Variants in CEP85L observed in about 807,000 individuals in gnomAD.
CEP85L encodes the protein centrosomal protein of 85 kDa-like.
Under a neutral mutation model 100.3 loss-of-function variants are expected in CEP85L, and 60 were observed. The observed-to-expected ratio is 0.60, with a 90% CI of 0.49 to 0.74. The LOEUF (loss-of-function observed/expected upper bound fraction) is 0.74. CEP85L is among the 30% of genes least tolerant of loss of function. The probability of loss-of-function intolerance (pLI) is 0.00; values close to 1 mark genes in which losing one functional copy is unlikely to be tolerated. For missense variants in CEP85L, 973 were observed against 936.2 expected (o/e 1.04, Z -0.51); for synonymous variants, 319 against 322.7 (o/e 0.99, Z 0.12).
Position 118,461,146 on chromosome 6 carries a change from T to C in CEP85L, c.*4259A>G, listed in dbSNP as rs961439926. On this transcript the variant is annotated 3_prime_UTR_variant, in exon 13 of 13. Transcript: ENST00000368491. ...CAAAACCACCAGTCATAGTGACTGA[T>C]TATACACTGTGCTGTGCTTTTTAAT... 1 of 152,088 alleles carries C rather than the reference T, an allele frequency of 6.6e-6. No homozygotes were observed. The highest frequency in any genetic ancestry group is 1.5e-5 in the Non-Finnish European group (1 of 67,998). The allele number at this position is 152,088 out of a possible 1,614,324, so 9.4% of individuals were successfully genotyped here. A position where few individuals can be genotyped will look rare whatever the true frequency, so the allele number is the denominator to read the frequency against.
chr6:118,626,521 A>G (rs993046939), intron 2 of CEP85L, among the ~76,000 whole-genome samples: 1 of 152,120 alleles, frequency 6.6e-6, no homozygotes, highest in African/African-American at 2.4e-5. Flanking sequence ...CTCAAAATCT[A>G]AGGCATGTCA....
chr6:118,707,016 A>G (rs1777612536), intron 1 of CEP85L, among the ~76,000 whole-genome samples: 1 of 151,912 alleles, frequency 6.6e-6, no homozygotes, highest in South Asian at 2.1e-4. Flanking sequence ...CAAATCCCCA[A>G]ACTTCAATGA....
chr6:118,590,962 T>C (rs1354103015), intron 2 of CEP85L, among the ~76,000 whole-genome samples: 2 of 152,138 alleles, frequency 1.3e-5, no homozygotes, highest in Admixed American at 1.3e-4. Context: ...ACATTCACGA[T>C]TGTGTGACAA....
chr6:118,491,848 A>C lies in CEP85L; in HGVS notation c.1275T>G (p.Thr425=). Residue 425 remains threonine, a synonymous_variant, in exon 6 of 13, where the codon ACT becomes ACG. Transcript: ENST00000368491. ...CCTCTGAAAATGGTGTCTGGAGTGA[A>C]GTGTTCTCATATTGTGGCTGTTAGG... The part of the protein sequence containing the change: ...VASLQPQYEN[T]SLQTPFSEES... The C allele has an allele frequency of 6.2e-7, 1 of 1,606,990 alleles. No homozygotes were observed. The highest frequency in any genetic ancestry group is 8.5e-7 in the Non-Finnish European group (1 of 1,177,764).
Position 118,651,388 on chromosome 6 carries a change from G to A in CEP85L, c.-119C>T. On this transcript the variant is annotated 5_prime_UTR_variant, in exon 1 of 13. Coordinates refer to ENST00000368491, the MANE Select transcript of CEP85L (RefSeq NM_001042475.3). The stretch of plus-strand genomic sequence containing the variant: ...CCTCGGCGACACGGGCAGGAGGAAA[G>A]GCGGGATGGCTGGTTAACGGCTGCT... 2 of 1,357,694 alleles carry A rather than the reference G, an allele frequency of 1.5e-6. No individual in the cohort carries two copies. The highest frequency in any genetic ancestry group is 1.9e-6 in the Non-Finnish European group (2 of 1,057,876). The allele number at this position is 1,357,694 out of a possible 1,614,324, so 84.1% of individuals were successfully genotyped here.
chr6:118,652,797 G>A (rs1487568330), upstream of CEP85L: 1 of 1,338,528 alleles, frequency 7.5e-7, no homozygotes, highest in African/African-American at 1.5e-5. Flanking sequence ...GTTAGCCAAG[G>A]GTCAGCTGTT....
intron 1 of CEP85L, among the ~76,000 whole-genome samples, chr6:118,639,336 A>C (rs1218349745): frequency 6.6e-6 from 1 of 152,206 alleles, no homozygotes; most frequent in Non-Finnish European, 1.5e-5. Flanking sequence ...TTCTACTTAC[A>C]TAGATCTGTG....
chr6:118,581,007 CAGTGCCACCT>C (rs1445707431), intron 2 of CEP85L, among the ~76,000 whole-genome samples: 1 of 152,186 alleles, frequency 6.6e-6, no homozygotes, highest in African/African-American at 2.4e-5. Context: ...TCTAAGCCAA[CAGTGCCACCT>C]AGAGGAAACA....
At chr6:118,644,988 T>G (rs1775089810) in intron 1 of CEP85L, among the ~76,000 whole-genome samples, 1 of 152,216 alleles carries the variant, frequency 6.6e-6, no homozygotes, top group Admixed American at 6.5e-5. Flanking sequence ...CTCAATGTGC[T>G]CAGGAGTGAA....
intron 2 of CEP85L, among the ~76,000 whole-genome samples, chr6:118,616,021 T>A (rs543207015): frequency 6.6e-5 from 10 of 152,272 alleles, no homozygotes; most frequent in African/African-American, 2.4e-4. Context: ...TGAGAATCAC[T>A]GAGTCTAGGA....
At chr6:118,572,004 GCAC>G in intron 2 of CEP85L, among the ~76,000 whole-genome samples, 1 of 151,850 alleles carries the variant, frequency 6.6e-6, no homozygotes, top group South Asian at 2.1e-4. Context: ...TTACAGGCAA[GCAC>G]CACCACACCT....
intron 3 of CEP85L, among the ~76,000 whole-genome samples, chr6:118,550,436 T>C (rs567440840): frequency 6.6e-6 from 1 of 151,988 alleles, no homozygotes; most frequent in African/African-American, 2.4e-5. Flanking sequence ...TTAGACAATA[T>C]ATTACCAATC....
At chr6:118,608,494 CAA>C (rs879712879) in intron 2 of CEP85L, among the ~76,000 whole-genome samples, 1 of 134,506 alleles carries the variant, frequency 7.4e-6, no homozygotes, top group Non-Finnish European at 1.6e-5. Context: ...GATTCCATCT[CAA>C]AAAAAAAAAA....
intron 3 of CEP85L, among the ~76,000 whole-genome samples, chr6:118,533,809 T>C (rs943812073): frequency 2.0e-5 from 3 of 152,150 alleles, no homozygotes; most frequent in Non-Finnish European, 2.9e-5. Context: ...TAAAAATCAA[T>C]GCAAGCTGGG....
intron 12 of CEP85L, among the ~76,000 whole-genome samples, chr6:118,465,840 G>GA (rs112262107): frequency 9.6e-4 from 146 of 152,126 alleles, no homozygotes; most frequent in African/African-American, 3.4e-3. Context: ...TTCCAAAAGT[G>GA]AAAAAAAGCA....
upstream of CEP85L, among the ~76,000 whole-genome samples, chr6:118,654,025 T>TC (rs1775686997): frequency 6.6e-6 from 1 of 152,234 alleles, no homozygotes. Context: ...AGTTGAGCTA[T>TC]CTTACATGTG....
At chr6:118,484,270 T>G (rs1442533561) in intron 6 of CEP85L, among the ~76,000 whole-genome samples, 1 of 152,220 alleles carries the variant, frequency 6.6e-6, no homozygotes, top group East Asian at 1.9e-4. Context: ...GAGCCGAGAT[T>G]GTGCCACTGC....
chr6:118,652,763 A>G, upstream of CEP85L: 1 of 1,534,838 alleles, frequency 6.5e-7, no homozygotes, highest in South Asian at 1.2e-5. Context: ...GTAGACTTCC[A>G]ATTATTTCTC....
chr6:118,636,113 T>C (rs62422228), intron 1 of CEP85L, among the ~76,000 whole-genome samples: 24,775 of 152,216 alleles, frequency 0.16, 2,158 homozygotes, highest in Non-Finnish European at 0.19. Flanking sequence ...TGTGGCTATG[T>C]TGTAATAAAA....
Sources: gnomAD v4.1 joint callset for allele counts (sites outside exome capture counted in the v4.1 genomes callset) on GRCh38, gnomAD v4.1.1 for gene constraint, MANE v1.5 for transcripts, NCBI Gene and HGNC (gene_info 2026-07-23, HGNC 2026-07-21) for gene names.